Variants in ALMS1 observed in about 807,000 individuals in gnomAD.
ALMS1 encodes the protein centrosome-associated protein ALMS1.
ALMS1 carries 271 observed loss-of-function variants against 352.2 expected under a neutral mutation model. That is an observed-to-expected ratio of 0.77 (90% CI 0.70 to 0.85). The LOEUF is 0.85. Among genes scored for constraint, ALMS1 ranks in the 40% least tolerant of loss-of-function variants. The probability of loss-of-function intolerance (pLI) is 0.00; values close to 1 mark genes in which losing one functional copy is unlikely to be tolerated. For missense variants in ALMS1, 5,445 were observed against 4,870.7 expected (o/e 1.12, Z -3.51); for synonymous variants, 1,865 against 1,761.2 (o/e 1.06, Z -1.48).
At chr2:73,504,568 CATACTCACCTGG>C (rs1673282273) in intron 10 of ALMS1, among the ~76,000 whole-genome samples, 1 of 152,182 alleles carries the variant, frequency 6.6e-6, no homozygotes, top group South Asian at 2.1e-4. Flanking sequence ...TCTTACTCAG[CATACTCACCTGG>C]AGATCCATTC....
chr2:73,511,608 A>G (rs1255535896), intron 10 of ALMS1, among the ~76,000 whole-genome samples: 3 of 152,080 alleles, frequency 2.0e-5, no homozygotes, highest in African/African-American at 7.2e-5. Flanking sequence ...GAGCTGTTCT[A>G]TTTGGCCATC....
rs771175350 is a variant in ALMS1, at chr2:73,489,707, A to G, written c.7748A>G (p.Glu2583Gly). The change falls in exon 10 of 23, where the codon GAA becomes GGA. Residue 2583 changes from glutamate (E) to glycine (G), a missense_variant. Physicochemically the swap from Glu to Gly is moderately conservative, Grantham distance 98 (BLOSUM62 -2). Transcript: ENST00000613296. ...VCSHIIIESH[E>G]KGCFRTLTSE... The stretch of plus-strand genomic sequence containing the variant: ...AGTCACATTATTATTGAGAGCCATG[A>G]AAAGGGATGTTTCCGGACTCTAACT... 6.2e-7 allele frequency: 1 copy of G among 1,614,162 alleles called. No individual in the cohort carries two copies. The highest frequency in any genetic ancestry group is 8.5e-7 in the Non-Finnish European group (1 of 1,180,038).
At chr2:73,558,324 T>G (rs1674586247) in intron 14 of ALMS1, among the ~76,000 whole-genome samples, 1 of 152,218 alleles carries the variant, frequency 6.6e-6, no homozygotes, top group Non-Finnish European at 1.5e-5. Context: ...GTATTGCTTG[T>G]TTAAAAAGGT....
At chr2:73,522,747 G>A (rs1486994476) in intron 11 of ALMS1, among the ~76,000 whole-genome samples, 1 of 152,168 alleles carries the variant, frequency 6.6e-6, no homozygotes, top group African/African-American at 2.4e-5. Context: ...GATTACAGGC[G>A]TGAGCCACTG....
intron 9 of ALMS1, chr2:73,459,617 T>G (rs1233389346): frequency 6.6e-6 from 1 of 152,194 alleles, no homozygotes; most frequent in South Asian, 2.1e-4. Context: ...TCACTATCAT[T>G]GTTTATTTTG....
At chr2:73,542,212 A>G (rs543504955) in intron 12 of ALMS1, among the ~76,000 whole-genome samples, 1 of 152,358 alleles carries the variant, frequency 6.6e-6, no homozygotes, top group South Asian at 2.1e-4. Flanking sequence ...GGCTGGTTCA[A>G]CATTCGTAAA....
rs1674608334 is a variant in ALMS1, at chr2:73,559,262, T to C, written c.10384+120T>C. On this transcript the variant is annotated intron_variant, in intron 15 of 22. Coordinates refer to ENST00000613296, the MANE Select transcript of ALMS1 (RefSeq NM_001378454.1). ...CTCATGATTAAACAAAAATTCCTTT[T>C]CTTTTTTTAAAACTTTCTTGTGTAA... 3 of 1,294,764 alleles carry C rather than the reference T, an allele frequency of 2.3e-6. No homozygotes were observed. In the Admixed American group the frequency reaches 6.7e-5, roughly 29 times the overall value. The allele number at this position is 1,294,764 out of a possible 1,614,324, so 80.2% of individuals were successfully genotyped here.
At position 73,386,034 on chromosome 2, in the gene ALMS1, T is replaced by G. The variant is rs1275987116; in HGVS notation, c.166T>G (p.Ser56Ala). Residue 56 changes from serine to alanine, a missense_variant, in exon 1 of 23, where the codon TCC becomes GCC. Physicochemically the swap from Ser to Ala is moderately conservative, Grantham distance 99. Transcript: ENST00000613296. Reference protein sequence around the residue: ...VEEEAGRELDSDSHYGPQHLE... With the variant: ...VEEEAGRELDADSHYGPQHLE... The stretch of plus-strand genomic sequence containing the variant: ...GGAAGAGGCGGGGCGGGAGTTGGAC[T>G]CCGACTCTCACTACGGGCCCCAGCA... The G allele has an allele frequency of 6.4e-7, 1 of 1,561,840 alleles. No homozygotes were observed. Among genetic ancestry groups the G allele is most frequent in the East Asian group, 2.4e-5 (1 of 41,324 alleles).
intron 10 of ALMS1, among the ~76,000 whole-genome samples, chr2:73,498,482 C>T (rs1293081619): frequency 6.6e-6 from 1 of 151,524 alleles, no homozygotes; most frequent in Non-Finnish European, 1.5e-5. Context: ...TTTTGTGTTA[C>T]ATAGTAGGTC....
chr2:73,468,976 C>CT (rs2103836807), intron 9 of ALMS1, among the ~76,000 whole-genome samples: 1 of 151,958 alleles, frequency 6.6e-6, no homozygotes, highest in African/African-American at 2.4e-5. Context: ...AAAGGAAACT[C>CT]TCTTAGATTG....
chr2:73,451,284 C>T lies in ALMS1; in HGVS notation c.4757C>T (p.Pro1586Leu). Reference protein sequence around the residue: ...KPIVNYKQAFPDGHLPEEALK... With the variant: ...KPIVNYKQAFLDGHLPEEALK... ...ATTGTTAACTACAAACAGGCCTTTC[C>T]AGATGGTCATCTACCTGAAGAGGCT... The change falls in exon 8 of 23, where the codon CCA becomes CTA. Residue 1586 changes from proline to leucine, a missense_variant. Pro to Leu is a moderately conservative substitution (Grantham distance 98). Transcript: ENST00000613296. 7 of 1,613,996 alleles carry T rather than the reference C, an allele frequency of 4.3e-6. No individual in the cohort carries two copies. Among genetic ancestry groups the T allele is most frequent in the Non-Finnish European group, 5.9e-6 (7 of 1,179,986 alleles).
chr2:73,590,308 A>G (rs1453797197), intron 16 of ALMS1, among the ~76,000 whole-genome samples: 1 of 152,226 alleles, frequency 6.6e-6, no homozygotes, highest in African/African-American at 2.4e-5. Context: ...TGATTTAAAT[A>G]TCTGGTAAAA....
In ALMS1 at chr2:73,453,234, C is replaced by T. The variant is rs201737248; in HGVS notation, c.6707C>T (p.Pro2236Leu). ...GATGACAGAGTTGTAATAAATAAAC[C>T]AGAATCTGCAGGTTTTAGAGATGTT... ...QADDRVVINK[P>L]ESAGFRDVGS... Residue 2236 changes from proline (P) to leucine (L), a missense_variant, in exon 8 of 23, where the codon CCA (proline) becomes CTA (leucine). By Grantham distance (98) the Pro-to-Leu change is moderately conservative. Coordinates refer to ENST00000613296, the MANE Select transcript of ALMS1 (RefSeq NM_001378454.1). 116 of 1,613,770 alleles carry T rather than the reference C, an allele frequency of 7.2e-5. No individual in the cohort carries two copies. Among genetic ancestry groups the T allele is most frequent in the Non-Finnish European group, 9.4e-5 (111 of 1,179,946 alleles).
chr2:73,590,388 C>T (rs952749412), intron 16 of ALMS1, among the ~76,000 whole-genome samples: 8 of 152,062 alleles, frequency 5.3e-5, no homozygotes, highest in Admixed American at 2.0e-4. Context: ...ATTAATTGTA[C>T]GTTAGACAAA....
intron 10 of ALMS1, among the ~76,000 whole-genome samples, chr2:73,519,141 T>C (rs1468723899): frequency 2.0e-5 from 3 of 152,160 alleles, no homozygotes; most frequent in African/African-American, 7.2e-5. Context: ...CTTCTTATAC[T>C]CTGTTTTTTG....
Position 73,490,311 on chromosome 2 carries a change from A to G in ALMS1, c.8352A>G (p.Glu2784=), listed in dbSNP as rs753706645. The stretch of plus-strand genomic sequence containing the variant: ...TGCATAGTAATTCACAAGATAAAGA[A>G]GTGACTATTTTAGCAGAAGGTAGAA... ...FKMHSNSQDK[E]VTILAEGRRQ... is the part of the protein sequence containing the mutation. The change falls in exon 10 of 23, where the codon GAA becomes GAG. Residue 2784 remains glutamate (E), a synonymous_variant. Coordinates refer to ENST00000613296, the MANE Select transcript of ALMS1 (RefSeq NM_001378454.1). 1.9e-6 allele frequency: 3 copies of G among 1,612,176 alleles called. No individual in the cohort carries two copies. Among genetic ancestry groups the G allele is most frequent in the Non-Finnish European group, 8.5e-7 (1 of 1,179,180 alleles).
chr2:73,472,495 A>G (rs904261887), intron 9 of ALMS1, among the ~76,000 whole-genome samples: 10 of 152,054 alleles, frequency 6.6e-5, no homozygotes, highest in Admixed American at 3.3e-4. Context: ...TTTGTGAGAA[A>G]AGTCATATAA....
At chr2:73,477,333 C>T (rs542878833) in intron 9 of ALMS1, among the ~76,000 whole-genome samples, 4 of 152,162 alleles carry the variant, frequency 2.6e-5, no homozygotes, top group African/African-American at 9.6e-5. Flanking sequence ...GGTTCTATGC[C>T]ATTGATCTAC....
chr2:73,473,916 AG>A (rs1341385871), intron 9 of ALMS1, among the ~76,000 whole-genome samples: 153 of 116,136 alleles, frequency 1.3e-3, no homozygotes, highest in African/African-American at 4.0e-3. Flanking sequence ...GGATTCTTAG[AG>A]GGAAGAGAGA....
Sources: gnomAD v4.1 joint callset for allele counts (sites outside exome capture counted in the v4.1 genomes callset) on GRCh38, gnomAD v4.1.1 for gene constraint, MANE v1.5 for transcripts, NCBI Gene and HGNC (gene_info 2026-07-23, HGNC 2026-07-21) for gene names.